Variants in CRYBA4 observed in about 807,000 individuals in gnomAD.
CRYBA4 encodes the protein beta-crystallin A4.
Under a neutral mutation model 31.7 loss-of-function variants are expected in CRYBA4, and 30 were observed. The ratio of observed to expected loss-of-function variants is 0.95; its 90% CI spans 0.71 to 1.28. The LOEUF is 1.28. CRYBA4 is among the 50% of genes most tolerant of loss of function. The pLI is 0.00. For missense variants in CRYBA4, 225 were observed against 260.7 expected (o/e 0.86, Z 0.94); for synonymous variants, 102 against 102.3 (o/e 1.00, Z 0.02).
At chr22:26,607,991 G>T in the CRYBA4 span, 26 of 1,614,178 alleles carry the variant, frequency 1.6e-5, no homozygotes, top group Non-Finnish European at 2.2e-5. Context: ...ACATCTCCCC[G>T]CGGAAGTTGG....
At chr22:26,598,509 G>A in the CRYBA4 span, among the ~76,000 whole-genome samples, 1 of 151,886 alleles carries the variant, frequency 6.6e-6, no homozygotes, top group African/African-American at 2.4e-5. Flanking sequence ...TCAGTCTCCC[G>A]AATAGCTGGG....
intron 4 of CRYBA4, 88 bp downstream of exon 4, chr22:26,625,710 A>C: frequency 2.7e-4 from 360 of 1,348,596 alleles, no homozygotes; most frequent in Non-Finnish European, 3.4e-4. Flanking sequence ...TGAAATTCTC[A>C]TGTCGCCACT....
upstream of CRYBA4, chr22:26,621,857 C>T: frequency 6.7e-6 from 3 of 450,890 alleles, no homozygotes; most frequent in Non-Finnish European, 8.8e-6. Context: ...TCAGCCAGGG[C>T]TGGCTTTTGT....
chr22:26,608,010 A>G, the CRYBA4 span: 5 of 1,614,164 alleles, frequency 3.1e-6, no homozygotes, highest in Non-Finnish European at 4.2e-6. Flanking sequence ...GGACTGCTCA[A>G]AGGCGACCCA....
chr22:26,625,472 T>A lies in CRYBA4; in HGVS notation c.159-9T>A. 6.2e-7 allele frequency: 1 copy of A among 1,613,730 alleles called. No homozygotes were observed. Among genetic ancestry groups the A allele is most frequent in the Non-Finnish European group, 8.5e-7 (1 of 1,179,978 alleles). On this transcript the variant is annotated splice_polypyrimidine_tract_variant and intron_variant, in intron 3 of 5. Transcript: ENST00000354760. ...CTTACCTCCTGCACACTCTACCCTCTGTCTGCAGGTGGGTGGGCTTTGAGC... is the reference window on the plus strand; with the variant it reads ...CTTACCTCCTGCACACTCTACCCTCAGTCTGCAGGTGGGTGGGCTTTGAGC...
chr22:26,630,622 A>G lies in CRYBA4; in HGVS notation c.*135A>G, dbSNP rs547760088. The G allele has an allele frequency of 7.2e-6, 5 of 690,990 alleles. No individual in the cohort carries two copies. In the South Asian group the frequency reaches 8.6e-5, roughly 12 times the overall value. The allele number at this position is 690,990 out of a possible 1,614,324, so 42.8% of individuals were successfully genotyped here. A position where few individuals can be genotyped will look rare whatever the true frequency, so the allele number is the denominator to read the frequency against. ...AGCACCCATGTGAACTGGTCCGTGCACAGTCAGCACAAAAAACTCAAACGA... is the reference window on the plus strand; with the variant it reads ...AGCACCCATGTGAACTGGTCCGTGCGCAGTCAGCACAAAAAACTCAAACGA... On this transcript the variant is annotated 3_prime_UTR_variant, in exon 6 of 6. Transcript: ENST00000354760.
chr22:26,594,989 T>C, the CRYBA4 span, among the ~76,000 whole-genome samples: 1 of 152,230 alleles, frequency 6.6e-6, no homozygotes, highest in Non-Finnish European at 1.5e-5. Context: ...TTGAGAGATA[T>C]GTTGAAACTA....
chr22:26,622,150 T>C (rs1234723189), intron 1 of CRYBA4, among the ~76,000 whole-genome samples, 164 bp downstream of exon 1: 1 of 152,058 alleles, frequency 6.6e-6, no homozygotes, highest in African/African-American at 2.4e-5. Flanking sequence ...AGCACCTGCT[T>C]CCCTCATTTA....
intron 4 of CRYBA4, among the ~76,000 whole-genome samples, chr22:26,627,420 CTTTCTTT>C (rs1217705765): frequency 4.9e-5 from 4 of 80,844 alleles, no homozygotes; most frequent in Non-Finnish European, 8.3e-5. Context: ...TTCTTTCTTT[CTTTCTTT>C]TTCTTTCTTT....
chr22:26,626,314 G>A (rs1238813105), intron 4 of CRYBA4, among the ~76,000 whole-genome samples: 3 of 152,210 alleles, frequency 2.0e-5, no homozygotes, highest in Non-Finnish European at 4.4e-5. Flanking sequence ...TGAGGCAGGA[G>A]AATCACTTGA....
chr22:26,628,100 T>A (rs1456363136), intron 4 of CRYBA4, among the ~76,000 whole-genome samples, 188 bp from the exon 5 acceptor site: 1 of 152,198 alleles, frequency 6.6e-6, no homozygotes, highest in Non-Finnish European at 1.5e-5. Context: ...CCATGATTAT[T>A]TTCTTTGTGG....
At chr22:26,602,510 G>A in the CRYBA4 span, among the ~76,000 whole-genome samples, 1 of 151,724 alleles carries the variant, frequency 6.6e-6, no homozygotes, top group African/African-American at 2.4e-5. Flanking sequence ...AGGATTGCTT[G>A]AGCCCAGGAA....
At chr22:26,611,545 G>A in the CRYBA4 span, among the ~76,000 whole-genome samples, 3 of 151,328 alleles carry the variant, frequency 2.0e-5, no homozygotes, top group African/African-American at 7.3e-5. Context: ...CGCAATCTCG[G>A]CTCACTGCAA....
chr22:26,610,862 C>A, the CRYBA4 span, among the ~76,000 whole-genome samples: 2 of 152,184 alleles, frequency 1.3e-5, no homozygotes, highest in African/African-American at 2.4e-5. Context: ...AGTCAGGACT[C>A]AAACCCAGGC....
At chr22:26,599,487 G>A in the CRYBA4 span, 24 of 1,608,842 alleles carry the variant, frequency 1.5e-5, no homozygotes, top group South Asian at 2.6e-4. Context: ...GTGAGGTGTG[G>A]ACTCACTTGG....
At chr22:26,599,514 G>A in the CRYBA4 span, 53 of 1,613,244 alleles carry the variant, frequency 3.3e-5, no homozygotes, top group South Asian at 5.8e-4. Flanking sequence ...CTGTGGCCAG[G>A]ACAGGGAAGG....
upstream of CRYBA4, chr22:26,618,171 A>G (rs1447176343): frequency 1.3e-5 from 2 of 153,286 alleles, no homozygotes; most frequent in Non-Finnish European, 2.9e-5. Flanking sequence ...CACTGCAGAC[A>G]GCAGCACTTT....
the CRYBA4 span, among the ~76,000 whole-genome samples, chr22:26,616,549 A>G: frequency 2.0e-5 from 3 of 152,076 alleles, no homozygotes; most frequent in South Asian, 6.2e-4. Context: ...TCCTTCCTCC[A>G]GGCTTTTGAC....
At chr22:26,629,734 CA>C (rs66906132) in intron 5 of CRYBA4, among the ~76,000 whole-genome samples, 16 of 80,620 alleles carry the variant, frequency 2.0e-4, no homozygotes, top group Admixed American at 6.0e-4. Flanking sequence ...GACTCTGTCT[CA>C]AAAAAAAAAA....
Sources: allele counts gnomAD v4.1 joint callset (sites outside exome capture counted in the v4.1 genomes callset), GRCh38; gene constraint gnomAD v4.1.1; transcripts MANE v1.5; gene names NCBI Gene and HGNC (gene_info 2026-07-23, HGNC 2026-07-21).